Variants in SMG9 observed in about 807,000 individuals in gnomAD.
SMG9 encodes the protein SMG9 nonsense mediated mRNA decay factor.
Under a neutral mutation model 64.0 loss-of-function variants are expected in SMG9, and 55 were observed. That is an observed-to-expected ratio of 0.86 (90% CI 0.69 to 1.08). The LOEUF is 1.08. SMG9 is among the 50% of genes least tolerant of loss of function. The pLI, the probability that SMG9 is intolerant of heterozygous loss-of-function variation, is 0.00. For synonymous variants in SMG9, 244 were observed against 254.8 expected, an observed-to-expected ratio of 0.96 and a Z score of 0.41; for missense variants, 554 against 681.3, an observed-to-expected ratio of 0.81 and a Z score of 2.08.
At chr19:43,739,098 G>C (rs190843108) in intron 7 of SMG9, among the ~76,000 whole-genome samples, 51 of 152,344 alleles carry the variant, frequency 3.3e-4, no homozygotes, top group Admixed American at 3.1e-3. Context: ...GAACAGACAC[G>C]GTGGCAAATC....
At chr19:43,748,544 C>CT in intron 2 of SMG9, 1 of 452,400 alleles carries the variant, frequency 2.2e-6, no homozygotes, top group South Asian at 1.7e-5. Flanking sequence ...GCACCTGACA[C>CT]ATGGCAGGTG....
intron 8 of SMG9, 131 bp from the exon 9 acceptor site, chr19:43,737,813 A>G (rs1485793481): frequency 2.4e-6 from 2 of 824,484 alleles, no homozygotes; most frequent in African/African-American, 3.4e-5. Context: ...TGTGCCCAGC[A>G]CTGTGATGGC....
At position 43,732,840 on chromosome 19, in the gene SMG9, T is replaced by TA; in HGVS notation, c.1484+17_1484+18insT. ...GGTGGGGTGCCTCAAATTGACCCCC[T>TA]CTGCAAAGAGCTCTTACCAGTTCTT... On this transcript the variant is annotated intron_variant, in intron 13 of 13. Transcript: ENST00000270066. The TA allele has an allele frequency of 6.2e-7, 1 of 1,613,326 alleles. No individual in the cohort carries two copies. The highest frequency in any genetic ancestry group is 8.5e-7 in the Non-Finnish European group (1 of 1,179,952).
At chr19:43,744,674 G>A in intron 6 of SMG9, 98 bp downstream of exon 6, 1 of 775,902 alleles carries the variant, frequency 1.3e-6, no homozygotes, top group Non-Finnish European at 2.1e-6. Flanking sequence ...ACTTTCCAAA[G>A]TCCTTTGGTA....
rs537675206 is a variant in SMG9 at position 43,728,893 on chromosome 19, C to T, written c.*2703G>A. 7.0e-6 allele frequency: 5 copies of T among 710,058 alleles called. No homozygotes were observed. In the South Asian group the frequency reaches 3.2e-4, roughly 45 times the overall value. 44.0% of individuals were successfully genotyped at this position (710,058 alleles called of 1,614,324 possible). A position where few individuals can be genotyped will look rare whatever the true frequency, so the allele number is the denominator to read the frequency against. On this transcript the variant is annotated 3_prime_UTR_variant, in exon 14 of 14. Coordinates refer to ENST00000270066, the MANE Select transcript of SMG9 (RefSeq NM_019108.4). ...AATTGAAAAGCGTGAGTTCCACCTG[C>T]TGGGAATGATGAAGGGACTGGAGAG...
intron 1 of SMG9, among the ~76,000 whole-genome samples, chr19:43,752,081 T>C (rs1175494820): frequency 6.6e-6 from 1 of 152,240 alleles, no homozygotes; most frequent in East Asian, 1.9e-4. Flanking sequence ...TCCAGCCACT[T>C]ACTAGTGTAT....
intron 12 of SMG9, 67 bp downstream of exon 12, chr19:43,733,257 G>A (rs1449110466): frequency 3.8e-6 from 6 of 1,570,600 alleles, no homozygotes; most frequent in East Asian, 2.2e-5. Flanking sequence ...TAGACCAGTG[G>A]GTGCTGGGTC....
intron 13 of SMG9, 104 bp from the exon 14 acceptor site, chr19:43,731,778 T>A: frequency 7.3e-7 from 1 of 1,378,782 alleles, no homozygotes; most frequent in South Asian, 1.2e-5. Context: ...TGACCTGAGA[T>A]GTGACTCTGA....
intron 2 of SMG9, among the ~76,000 whole-genome samples, chr19:43,749,393 G>C (rs1381929133): frequency 6.6e-6 from 1 of 152,216 alleles, no homozygotes; most frequent in Non-Finnish European, 1.5e-5. Flanking sequence ...GGTGTGACAA[G>C]AGGCTGCCAG....
At chr19:43,733,536 G>C in intron 11 of SMG9, 84 bp from the exon 12 acceptor site, 1 of 1,609,124 alleles carries the variant, frequency 6.2e-7, no homozygotes, top group South Asian at 1.1e-5. Flanking sequence ...GCAGGATCAG[G>C]AGACTAGTCT....
intron 2 of SMG9, chr19:43,748,927 G>C (rs891609872): frequency 2.2e-6 from 1 of 459,308 alleles, no homozygotes; most frequent in Admixed American, 2.3e-5. Context: ...TGGACTTCCA[G>C]GAGGCTAGGA....
rs796608980 is a variant in SMG9 at position 43,743,072 on chromosome 19, C to CAA, written c.701+1698_701+1699dup. On this transcript the variant is annotated intron_variant, in intron 6 of 13. Coordinates refer to ENST00000270066, the MANE Select transcript of SMG9 (RefSeq NM_019108.4). The stretch of plus-strand genomic sequence containing the variant: ...CCTGGGTGACAGAGCGAGACTGTCT[C>CAA]AAAAAAAAAAAGAGAGAGAGAGAAT... Among the ~76,000 whole-genome samples, 7 of 140,374 alleles carry CAA rather than the reference C, an allele frequency of 5.0e-5. No homozygotes were observed. The East Asian group carries it at 8.3e-4, about 17-fold the overall frequency. The allele number at this position is 140,374 out of a possible 152,430, so 92.1% of individuals were successfully genotyped here.
At chr19:43,736,599 A>C (rs1218686317) in intron 9 of SMG9, among the ~76,000 whole-genome samples, 2 of 152,158 alleles carry the variant, frequency 1.3e-5, no homozygotes, top group Non-Finnish European at 2.9e-5. Context: ...TGAACAGCAA[A>C]ACTCCACGGA....
At chr19:43,745,169 C>A (rs1003833258) in intron 5 of SMG9, among the ~76,000 whole-genome samples, 2 of 152,096 alleles carry the variant, frequency 1.3e-5, no homozygotes, top group African/African-American at 2.4e-5. Flanking sequence ...TGGCTGAACA[C>A]AGCGGGAAAA....
chr19:43,754,082 A>G (rs988585239), intron 1 of SMG9, among the ~76,000 whole-genome samples: 2 of 151,982 alleles, frequency 1.3e-5, no homozygotes, highest in African/African-American at 2.4e-5. Flanking sequence ...GAATTTACAT[A>G]TTTTTGGGGA....
chr19:43,732,089 G>A (rs1968504377), intron 13 of SMG9, among the ~76,000 whole-genome samples: 1 of 152,214 alleles, frequency 6.6e-6, no homozygotes, highest in Non-Finnish European at 1.5e-5. Context: ...ACCAATGGCA[G>A]GAGCAGAGCT....
intron 6 of SMG9, among the ~76,000 whole-genome samples, chr19:43,740,927 C>T (rs1470695691): frequency 1.3e-5 from 2 of 152,134 alleles, no homozygotes; most frequent in African/African-American, 2.4e-5. Context: ...GTGATTTTAC[C>T]TTTTGAAATC....
chr19:43,733,514 T>C, intron 11 of SMG9, 62 bp from the exon 12 acceptor site: 2 of 1,611,592 alleles, frequency 1.2e-6, no homozygotes, highest in Non-Finnish European at 1.7e-6. Flanking sequence ...GTGGGAATTG[T>C]TGACAGTCAA....
chr19:43,731,128 G>A lies in SMG9; in HGVS notation c.*468C>T, dbSNP rs1210615010. On this transcript the variant is annotated 3_prime_UTR_variant, in exon 14 of 14. Transcript: ENST00000270066. ...TTCCCAGAGCTGCATGGTGGGTAGA[G>A]GAGTAAGTGGAACATAAGAACAGGC... 7 of 988,246 alleles carry A rather than the reference G, an allele frequency of 7.1e-6. No homozygotes were observed. The highest frequency in any genetic ancestry group is 6.1e-5 in the Admixed American group (1 of 16,464). 61.2% of individuals were successfully genotyped at this position (988,246 alleles called of 1,614,324 possible). A position where few individuals can be genotyped will look rare whatever the true frequency, so the allele number is the denominator to read the frequency against.
Sources: allele counts gnomAD v4.1 joint callset (sites outside exome capture counted in the v4.1 genomes callset), GRCh38; gene constraint gnomAD v4.1.1; transcripts MANE v1.5; gene names NCBI Gene and HGNC (gene_info 2026-07-23, HGNC 2026-07-21).